The following GPN1 variants were observed in gnomAD, a reference collection of about 807,000 sequenced individuals.
GPN1 encodes the protein ATP(GTP)-binding protein.
Under a neutral mutation model 55.9 loss-of-function variants are expected in GPN1, and 44 were observed. The ratio of observed to expected loss-of-function variants is 0.79; its 90% CI spans 0.62 to 1.01. The LOEUF (loss-of-function observed/expected upper bound fraction) is 1.01. Among genes scored for constraint, GPN1 ranks in the 50% least tolerant of loss-of-function variants. The probability of loss-of-function intolerance (pLI) is 0.00; values close to 1 mark genes in which losing one functional copy is unlikely to be tolerated. For missense variants in GPN1, 466 were observed against 462.8 expected (o/e 1.01, Z -0.06); for synonymous variants, 179 against 162.5 (o/e 1.10, Z -0.77).
intron 2 of GPN1, 127 bp from the exon 3 acceptor site, chr2:27,630,900 C>G (rs1049986848): frequency 4.3e-6 from 3 of 689,828 alleles, no homozygotes; most frequent in African/African-American, 3.6e-5. Flanking sequence ...AGGAAGGAAA[C>G]CAGTGTGAAA....
chr2:27,628,701 G>A (rs773459353), upstream of GPN1: 14 of 1,551,538 alleles, frequency 9.0e-6, no homozygotes, highest in South Asian at 1.5e-4. Flanking sequence ...TTCTCTGTGG[G>A]CTCAAAATGA....
intron 7 of GPN1, 64 bp downstream of exon 7, chr2:27,635,298 C>CT: frequency 4.5e-6 from 2 of 445,268 alleles, no homozygotes; most frequent in Non-Finnish European, 3.6e-6. Context: ...CTTCTTCTTC[C>CT]TCTTTTTTTT....
chr2:27,639,236 A>C (rs1234527899), intron 9 of GPN1, among the ~76,000 whole-genome samples: 1 of 152,236 alleles, frequency 6.6e-6, no homozygotes, highest in Non-Finnish European at 1.5e-5. Context: ...TTGGGAGAGA[A>C]GGCTACACAC....
chr2:27,630,727 T>C (rs1673512838), intron 2 of GPN1, among the ~76,000 whole-genome samples: 1 of 152,194 alleles, frequency 6.6e-6, no homozygotes, highest in Non-Finnish European at 1.5e-5. Context: ...TAATAGGCAA[T>C]TAGTAAGAAG....
chr2:27,635,083 G>A lies in GPN1; in HGVS notation c.430-57G>A, dbSNP rs191969491. On this transcript the variant is annotated intron_variant, in intron 6 of 13. Coordinates refer to ENST00000610189, the MANE Select transcript of GPN1 (RefSeq NM_007266.4). Reference sequence around the variant, plus strand: ...CCTTGTTAAGGATGGTGGAAAAAGAGTTTGAGGACAGATCGTGAGCCCTCT... The same window carrying A: ...CCTTGTTAAGGATGGTGGAAAAAGAATTTGAGGACAGATCGTGAGCCCTCT... 2,798 of 1,135,140 alleles carry A rather than the reference G, an allele frequency of 2.5e-3. 6 individuals carry two copies. The highest frequency in any genetic ancestry group is 3.3e-3 in the Non-Finnish European group (2,432 of 746,630). The allele number at this position is 1,135,140 out of a possible 1,614,324, so 70.3% of individuals were successfully genotyped here.
chr2:27,649,540 A>G (rs1674418931), intron 13 of GPN1, among the ~76,000 whole-genome samples: 1 of 151,690 alleles, frequency 6.6e-6, no homozygotes, highest in Admixed American at 6.6e-5. Flanking sequence ...TTCAGTCCCC[A>G]TCCTGAACAC....
chr2:27,642,621 G>C, intron 12 of GPN1, 102 bp downstream of exon 12: 1 of 737,358 alleles, frequency 1.4e-6, no homozygotes, highest in Non-Finnish European at 2.3e-6. Context: ...TTGTTGCCCA[G>C]GCTGGAGTCT....
intron 7 of GPN1, among the ~76,000 whole-genome samples, chr2:27,638,004 CA>C (rs922889897): frequency 1.3e-5 from 2 of 152,090 alleles, no homozygotes; most frequent in African/African-American, 4.8e-5. Context: ...ATTATTACTT[CA>C]AACAAGAGTG....
chr2:27,630,122 C>G (rs1161228921), intron 2 of GPN1, among the ~76,000 whole-genome samples, 170 bp downstream of exon 2: 1 of 152,134 alleles, frequency 6.6e-6, no homozygotes, highest in Middle Eastern at 3.2e-3. Flanking sequence ...TCCATCTCTA[C>G]TAAAAATACA....
intron 2 of GPN1, among the ~76,000 whole-genome samples, 163 bp from the exon 3 acceptor site, chr2:27,630,864 G>T (rs1464523101): frequency 6.6e-6 from 1 of 152,148 alleles, no homozygotes; most frequent in Non-Finnish European, 1.5e-5. Context: ...CATTCTTCAT[G>T]ATTTACTTGG....
chr2:27,630,007 G>T, intron 2 of GPN1, 55 bp downstream of exon 2: 1 of 1,012,302 alleles, frequency 9.9e-7, no homozygotes, highest in Non-Finnish European at 1.6e-6. Context: ...AATGGAAAAG[G>T]CCAGGCGTGG....
intron 12 of GPN1, 112 bp from the exon 13 acceptor site, chr2:27,647,724 G>C: frequency 1.5e-6 from 1 of 659,892 alleles, no homozygotes; most frequent in East Asian, 2.7e-5. Context: ...AAGATCCTGC[G>C]TTTATATGTA....
intron 3 of GPN1, chr2:27,631,430 C>G: frequency 7.3e-6 from 3 of 412,918 alleles, no homozygotes; most frequent in Non-Finnish European, 8.8e-6. Flanking sequence ...TAGTAAATTG[C>G]TGTATGAAAT....
chr2:27,638,125 C>A, intron 7 of GPN1, 85 bp from the exon 8 acceptor site: 1 of 758,938 alleles, frequency 1.3e-6, no homozygotes, highest in South Asian at 1.5e-5. Flanking sequence ...CATTTCTGTT[C>A]TCTTACTTAG....
intron 1 of GPN1, 91 bp downstream of exon 1, chr2:27,629,260 G>A: frequency 4.6e-6 from 7 of 1,518,472 alleles, no homozygotes; most frequent in Non-Finnish European, 6.3e-6. Flanking sequence ...AAGAGGATTT[G>A]GAGGGTACCG....
intron 10 of GPN1, among the ~76,000 whole-genome samples, chr2:27,640,589 C>T (rs1042987211): frequency 6.6e-6 from 1 of 152,200 alleles, no homozygotes; most frequent in Non-Finnish European, 1.5e-5. Context: ...GCACTTATCA[C>T]AATTGCTGAC....
chr2:27,629,521 AC>A, intron 1 of GPN1: 1 of 918,738 alleles, frequency 1.1e-6, no homozygotes. Flanking sequence ...TATTTCTTGC[AC>A]GCCTGTCATG....
rs1406136392 is a variant in GPN1 at position 27,631,048 on chromosome 2, A to G, written c.227A>G (p.Tyr76Cys). Residue 76 changes from tyrosine (Y) to cysteine (C), a missense_variant, in exon 3 of 14, where the codon TAT (tyrosine) becomes TGT (cysteine). Transcript: ENST00000610189. ...TCAGATATTCGTGATACTGTAAAGT[A>G]TAAAGAAGTAATGAAACAGTATCCT... is the stretch of plus-strand genomic sequence containing the variant. ...ANIDIRDTVK[Y>C]KEVMKQYGLG... 7.3e-7 allele frequency: 1 copy of G among 1,377,962 alleles called. No homozygotes were observed. Among genetic ancestry groups the G allele is most frequent in the South Asian group, 1.2e-5 (1 of 85,390 alleles). The allele number at this position is 1,377,962 out of a possible 1,614,324, so 85.4% of individuals were successfully genotyped here.
At chr2:27,638,807 C>A in intron 8 of GPN1, 78 bp from the exon 9 acceptor site, 1 of 1,186,264 alleles carries the variant, frequency 8.4e-7, no homozygotes, top group Non-Finnish European at 1.2e-6. Context: ...ATGTTCTTTG[C>A]TGTCAACACT....
Sources: allele counts gnomAD v4.1 joint callset (sites outside exome capture counted in the v4.1 genomes callset), GRCh38; gene constraint gnomAD v4.1.1; transcripts MANE v1.5; gene names NCBI Gene and HGNC (gene_info 2026-07-23, HGNC 2026-07-21).